The following VPS13D variants were observed in gnomAD, a reference collection of about 807,000 sequenced individuals.
VPS13D encodes vacuolar protein sorting 13 homolog D, also known as intermembrane lipid transfer protein VPS13D.
A neutral mutation model predicts 461.9 loss-of-function variants in VPS13D; 187 were observed. The ratio of observed to expected loss-of-function variants is 0.40; its 90% CI spans 0.36 to 0.46. VPS13D has a LOEUF of 0.46. Among genes scored for constraint, VPS13D ranks in the 20% least tolerant of loss-of-function variants. VPS13D has a pLI of 0.60. For missense variants in VPS13D, 4,711 were observed against 5,364.9 expected (o/e 0.88, Z 3.81); for synonymous variants, 1,951 against 1,986.3 (o/e 0.98, Z 0.47).
intron 37 of VPS13D, among the ~76,000 whole-genome samples, chr1:12,332,080 T>C (rs968675782): frequency 2.0e-5 from 3 of 152,220 alleles, no homozygotes; most frequent in Non-Finnish European, 4.4e-5. Flanking sequence ...TTGGAACATA[T>C]AAGCCATAGT....
chr1:12,376,652 A>G (rs145979199), intron 55 of VPS13D, among the ~76,000 whole-genome samples: 729 of 152,312 alleles, frequency 4.8e-3, no homozygotes, highest in African/African-American at 0.017. Context: ...TTTGACTCCA[A>G]TGTTCATGCT....
Position 12,283,191 on chromosome 1 carries a change from C to T in VPS13D, c.5089C>T (p.Pro1697Ser). The T allele has an allele frequency of 6.2e-7, 1 of 1,614,184 alleles. No homozygotes were observed. Among genetic ancestry groups the T allele is most frequent in the Non-Finnish European group, 8.5e-7 (1 of 1,180,038 alleles). ...GATGGTGTCTCGAGGAGCCCCTAAG[C>T]CATCTAGTTTAGCACAAAAAGAATA... Reference protein sequence around the residue: ...NLMVSRGAPKPSSLAQKEYLS... With the variant: ...NLMVSRGAPKSSSLAQKEYLS... The change falls in exon 21 of 70, where the codon CCA becomes TCA. Residue 1697 changes from proline to serine, a missense_variant. By Grantham distance (74) the Pro-to-Ser change is moderately conservative. Around this residue, in one of 3 missense-constraint regions of VPS13D, gnomAD observed 4,411 missense variants for 4,937.8 expected, o/e 0.89. Transcript: ENST00000620676.
chr1:12,474,939 A>G (rs1263298695), intron 67 of VPS13D, among the ~76,000 whole-genome samples: 1 of 152,160 alleles, frequency 6.6e-6, no homozygotes, highest in Non-Finnish European at 1.5e-5. Flanking sequence ...AAAGCCCAAT[A>G]TACTAATGCA....
In VPS13D at chr1:12,308,615, A is replaced by C. The variant is rs764717099; in HGVS notation, c.6624A>C (p.Lys2208Asn). The change falls in exon 27 of 70, where the codon AAA becomes AAC. Residue 2208 changes from lysine (K) to asparagine (N), a missense_variant. Physicochemically the swap from Lys to Asn is moderately conservative, Grantham distance 94. Coordinates refer to ENST00000620676, the MANE Select transcript of VPS13D (RefSeq NM_015378.4). ...TCTTAACCGAGCCTTGTAGGCTGAA[A>C]TTGCAGGTGGAAAGGAATTTGGACA... ...GSLLTEPCRL[K>N]LQVERNLDKE... is the part of the protein sequence containing the mutation. 6.2e-7 allele frequency: 1 copy of C among 1,613,038 alleles called. No homozygotes were observed. Among genetic ancestry groups the C allele is most frequent in the African/African-American group, 1.3e-5 (1 of 74,668 alleles).
chr1:12,481,455 A>G (rs1645715731), intron 67 of VPS13D, among the ~76,000 whole-genome samples: 1 of 152,224 alleles, frequency 6.6e-6, no homozygotes, highest in Admixed American at 6.5e-5. Flanking sequence ...GGCAAGACCT[A>G]CAGTCCAGGA....
intron 40 of VPS13D, among the ~76,000 whole-genome samples, chr1:12,340,006 C>A (rs1243145324): frequency 6.6e-6 from 1 of 152,120 alleles, no homozygotes; most frequent in African/African-American, 2.4e-5. Context: ...TCTCCTGGGC[C>A]CTTTATCTAC....
intron 27 of VPS13D, 99 bp downstream of exon 27, chr1:12,308,740 C>CT: frequency 1.8e-6 from 2 of 1,123,148 alleles, no homozygotes; most frequent in South Asian, 2.9e-5. Flanking sequence ...ACCTCCACCT[C>CT]TGAGGTTCAA....
chr1:12,504,829 A>G (rs1467037154), intron 68 of VPS13D, among the ~76,000 whole-genome samples: 1 of 152,304 alleles, frequency 6.6e-6, no homozygotes, highest in East Asian at 1.9e-4. Flanking sequence ...TGGAAAGCAC[A>G]CTAGTCATGT....
chr1:12,304,732 A>G lies in VPS13D; in HGVS notation c.6439+4A>G. 6.2e-7 allele frequency: 1 copy of G among 1,613,710 alleles called. No individual in the cohort carries two copies. Among genetic ancestry groups the G allele is most frequent in the Non-Finnish European group, 8.5e-7 (1 of 1,179,944 alleles). On this transcript the variant is annotated splice_donor_region_variant and intron_variant, in intron 26 of 69. Coordinates refer to ENST00000620676, the MANE Select transcript of VPS13D (RefSeq NM_015378.4). ...GGCCAAGAGTCCAGTAGTCCAGGTA[A>G]AAGAGGAGAAAAGCAACATAATACT... is the stretch of plus-strand genomic sequence containing the variant.
intron 59 of VPS13D, among the ~76,000 whole-genome samples, chr1:12,385,963 G>A (rs1042891322): frequency 6.6e-6 from 1 of 152,128 alleles, no homozygotes; most frequent in Non-Finnish European, 1.5e-5. Context: ...CACATACTCT[G>A]GAGTTCTCGT....
At chr1:12,368,319 G>C (rs1644067837) in intron 52 of VPS13D, 149 bp from the exon 53 acceptor site, 1 of 909,768 alleles carries the variant, frequency 1.1e-6, no homozygotes, top group African/African-American at 1.7e-5. Context: ...ACTTTTTTCA[G>C]ATGATGGAGG....
chr1:12,378,625 T>C, intron 56 of VPS13D, 34 bp downstream of exon 56: 1 of 1,490,942 alleles, frequency 6.7e-7, no homozygotes. Context: ...TTCAAGCTCA[T>C]TGCTTTCAAA....
chr1:12,314,119 G>T lies in VPS13D; in HGVS notation c.6940G>T (p.Asp2314Tyr). ...GCTTTCTTTTCTCTCTTTTAGATTT[G>T]ACTTCAAGAAATGCAAACTGCTCTA... ...KEGAGSLARF[D>Y]FKKCKLLYES... The change falls in exon 30 of 70, where the codon GAC becomes TAC. Residue 2314 changes from aspartate to tyrosine, a missense_variant. Around this residue, in one of 3 missense-constraint regions of VPS13D, gnomAD observed 4,411 missense variants for 4,937.8 expected, o/e 0.89. Coordinates refer to ENST00000620676, the MANE Select transcript of VPS13D (RefSeq NM_015378.4). 1 of 1,613,478 alleles carries T rather than the reference G, an allele frequency of 6.2e-7. No homozygotes were observed. Among genetic ancestry groups the T allele is most frequent in the South Asian group, 1.1e-5 (1 of 90,904 alleles).
Position 12,279,393 on chromosome 1 carries a change from T to G in VPS13D, c.4451-106T>G. 7.6e-7 allele frequency: 1 copy of G among 1,308,868 alleles called. No homozygotes were observed. Among genetic ancestry groups the G allele is most frequent in the Non-Finnish European group, 1.0e-6 (1 of 989,444 alleles). 81.1% of individuals were successfully genotyped at this position (1,308,868 alleles called of 1,614,324 possible). On this transcript the variant is annotated intron_variant, in intron 19 of 69. Coordinates refer to ENST00000620676, the MANE Select transcript of VPS13D (RefSeq NM_015378.4). The surrounding 1 kb of genome is among the most constrained non-coding windows in gnomAD (Gnocchi z 4.3). ...GTGCCAGGCTAACCTGCCCTCCTGG[T>G]CTAAGTGTAACTCATGGGCTGTATT...
chr1:12,453,158 G>A (rs769524263), intron 65 of VPS13D, among the ~76,000 whole-genome samples: 2 of 152,152 alleles, frequency 1.3e-5, no homozygotes, highest in Non-Finnish European at 2.9e-5. Context: ...GACTTAGTTG[G>A]AAATTAAGCT....
chr1:12,443,979 G>A (rs1255053320), intron 65 of VPS13D, among the ~76,000 whole-genome samples: 1 of 151,866 alleles, frequency 6.6e-6, no homozygotes, highest in African/African-American at 2.4e-5. Context: ...CTGAGTAGCT[G>A]GGATTACAGG....
chr1:12,335,781 A>G lies in VPS13D; in HGVS notation c.8505A>G (p.Ser2835=), dbSNP rs780605874. The change falls in exon 39 of 70, where the codon TCA becomes TCG. Residue 2835 remains serine, a synonymous_variant. Transcript: ENST00000620676. ...KDDKDIESAK[S]EDWMGSSVDP... is the part of the protein sequence containing the mutation. ...ACAAGGACATAGAGTCAGCTAAATC[A>G]GAAGACTGGATGGGCTCTTCGGTGG... is the stretch of plus-strand genomic sequence containing the variant. 44 of 1,614,090 alleles carry G rather than the reference A, an allele frequency of 2.7e-5. No homozygotes were observed. The highest frequency in any genetic ancestry group is 9.3e-6 in the Non-Finnish European group (11 of 1,180,024).
intron 60 of VPS13D, among the ~76,000 whole-genome samples, chr1:12,395,091 CAG>C (rs1046774589): frequency 4.7e-4 from 72 of 151,902 alleles, no homozygotes; most frequent in African/African-American, 1.7e-3. Context: ...TAGAAGCAAA[CAG>C]GGGTGTTGGG....
intron 26 of VPS13D, among the ~76,000 whole-genome samples, chr1:12,306,526 A>G (rs1190553307): frequency 6.6e-6 from 1 of 152,174 alleles, no homozygotes; most frequent in Non-Finnish European, 1.5e-5. Context: ...TGCCTTTAAG[A>G]AGTGATTTGG....
Sources: allele counts gnomAD v4.1 joint callset (sites outside exome capture counted in the v4.1 genomes callset), GRCh38; gene constraint gnomAD v4.1.1; regional missense constraint gnomAD v4.1.1; non-coding constraint Gnocchi (gnomAD v3.1); transcripts MANE v1.5; gene names NCBI Gene and HGNC (gene_info 2026-07-23, HGNC 2026-07-21).